The following CLEC19A variants were observed in gnomAD, a reference collection of about 807,000 sequenced individuals.
CLEC19A encodes the protein C-type lectin domain family 19 member A.
Under a neutral mutation model 26.1 loss-of-function variants are expected in CLEC19A, and 21 were observed. The ratio of observed to expected loss-of-function variants is 0.80; its 90% CI spans 0.57 to 1.16. The LOEUF is 1.16. CLEC19A is among the 50% of genes most tolerant of loss of function. CLEC19A has a pLI of 0.00. For synonymous variants in CLEC19A, 89 were observed against 88.6 expected (o/e 1.00, Z -0.03); for missense variants, 224 against 227.6 (o/e 0.98, Z 0.10).
At chr16:19,308,870 G>T in intron 4 of CLEC19A, 134 bp from the exon 5 acceptor site, 1 of 662,190 alleles carries the variant, frequency 1.5e-6, no homozygotes, top group Non-Finnish European at 2.7e-6. Flanking sequence ...GGCTTGTCAA[G>T]TATCAGCAAG....
At position 19,289,684 on chromosome 16, in the gene CLEC19A, G is replaced by T. The variant is rs556748412; in HGVS notation, c.88+3745G>T. 3.3e-5 allele frequency among the ~76,000 whole-genome samples: 5 copies of T among 152,330 alleles called. No individual in the cohort carries two copies. In the South Asian group the frequency reaches 1.0e-3, roughly 32 times the overall value. On this transcript the variant is annotated intron_variant, in intron 1 of 4. Coordinates refer to ENST00000636231, the MANE Select transcript of CLEC19A (RefSeq NM_001256720.2). Reference sequence around the variant, plus strand: ...ACCCAATGAATGGCTGCTATTATTAGCAATATAAGAAATTGTCTAATGCTT... The same window carrying T: ...ACCCAATGAATGGCTGCTATTATTATCAATATAAGAAATTGTCTAATGCTT...
rs746393825 is a variant in CLEC19A at position 19,304,227 on chromosome 16, T to C, written c.348+72T>C. 6.3e-6 allele frequency: 8 copies of C among 1,279,414 alleles called. No homozygotes were observed. In the South Asian group the frequency reaches 7.6e-5, roughly 12 times the overall value. The allele number at this position is 1,279,414 out of a possible 1,614,324, so 79.3% of individuals were successfully genotyped here. ...ATTCTATTTTGATTTAATAAGCTTT[T>C]CACATCAGTGCCAGGTCACGGCTAT... On this transcript the variant is annotated intron_variant, in intron 3 of 4. Coordinates refer to ENST00000636231, the MANE Select transcript of CLEC19A (RefSeq NM_001256720.2).
chr16:19,298,726 A>C lies in CLEC19A; in HGVS notation c.142A>C (p.Lys48Gln), dbSNP rs1218668565. The C allele has an allele frequency of 6.4e-7, 1 of 1,551,018 alleles. No homozygotes were observed. The highest frequency in any genetic ancestry group is 1.2e-5 in the South Asian group (1 of 84,028). The part of the protein sequence containing the change: ...SLCPLFWMEF[K>Q]GHCYRFFPLN... ...GTGCCCCCTGTTCTGGATGGAGTTCAAAGGCCACTGCTATCGATTCTTCCC... is the reference window on the plus strand; with the variant it reads ...GTGCCCCCTGTTCTGGATGGAGTTCCAAGGCCACTGCTATCGATTCTTCCC... The change falls in exon 2 of 5, where the codon AAA (lysine) becomes CAA (glutamine). Residue 48 changes from lysine to glutamine, a missense_variant. Lys to Gln is a moderately conservative substitution (Grantham distance 53). Coordinates refer to ENST00000636231, the MANE Select transcript of CLEC19A (RefSeq NM_001256720.2).
At chr16:19,305,889 G>A (rs749119211) in intron 3 of CLEC19A, among the ~76,000 whole-genome samples, 28 of 152,080 alleles carry the variant, frequency 1.8e-4, no homozygotes, top group Non-Finnish European at 3.5e-4. Context: ...TGTCGCCCAG[G>A]CTGGAGTGCA....
intron 1 of CLEC19A, among the ~76,000 whole-genome samples, chr16:19,286,368 C>T (rs1251351496): frequency 2.0e-5 from 3 of 152,208 alleles, no homozygotes; most frequent in East Asian, 3.9e-4. Flanking sequence ...TTGGCTGTGA[C>T]AGCCTTCCCA....
intron 1 of CLEC19A, among the ~76,000 whole-genome samples, chr16:19,297,362 T>G (rs1897726083): frequency 6.6e-6 from 1 of 152,206 alleles, no homozygotes; most frequent in African/African-American, 2.4e-5. Context: ...GCCATGAAAG[T>G]GATAACACTG....
At chr16:19,287,414 A>G (rs1897495113) in intron 1 of CLEC19A, among the ~76,000 whole-genome samples, 1 of 152,122 alleles carries the variant, frequency 6.6e-6, no homozygotes, top group South Asian at 2.1e-4. Flanking sequence ...CCCCCTCCCA[A>G]TACCATCACA....
At chr16:19,301,702 T>C (rs1376742576) in intron 2 of CLEC19A, among the ~76,000 whole-genome samples, 2 of 144,692 alleles carry the variant, frequency 1.4e-5, no homozygotes, top group African/African-American at 5.0e-5. Context: ...TAGCTGGGAC[T>C]ACAGGCGCAT....
intron 2 of CLEC19A, among the ~76,000 whole-genome samples, chr16:19,301,763 TTGTA>T (rs1897838888): frequency 5.8e-5 from 8 of 138,188 alleles, no homozygotes; most frequent in South Asian, 2.4e-4. Flanking sequence ...TTTTTTTTTT[TTGTA>T]TTTTTAGCAG....
chr16:19,304,133 C>T lies in CLEC19A; in HGVS notation c.326C>T (p.Thr109Ile), dbSNP rs753449198. 14 of 1,550,616 alleles carry T rather than the reference C, an allele frequency of 9.0e-6. No homozygotes were observed. The South Asian group carries it at 1.2e-4, about 13-fold the overall frequency. ...CCCGGCATCCCAGCTGACGTCTGGA[C>T]AGGCCTTCATGATCACAGACAGGTG... Reference protein sequence around the residue: ...CVPGIPADVWTGLHDHRQEGQ... With the variant: ...CVPGIPADVWIGLHDHRQEGQ... Residue 109 changes from threonine to isoleucine, a missense_variant, in exon 3 of 5, where the codon ACA becomes ATA. Transcript: ENST00000636231.
chr16:19,304,239 C>A, intron 3 of CLEC19A, 84 bp downstream of exon 3: 1 of 1,121,964 alleles, frequency 8.9e-7, no homozygotes, highest in South Asian at 1.3e-5. Context: ...ACATCAGTGC[C>A]AGGTCACGGC....
intron 2 of CLEC19A, among the ~76,000 whole-genome samples, chr16:19,301,878 A>G (rs11860712): frequency 0.27 from 40,123 of 150,892 alleles, 5,770 homozygotes; most frequent in African/African-American, 0.36. Context: ...GGCATGAGCC[A>G]CCGCGCCCGG....
In CLEC19A at chr16:19,303,133, C is replaced by T. The variant is rs142607307; in HGVS notation, c.255-929C>T. 2.6e-3 allele frequency among the ~76,000 whole-genome samples: 402 copies of T among 152,240 alleles called. 3 individuals are homozygous for T. Among genetic ancestry groups the T allele is most frequent in the African/African-American group, 9.1e-3 (376 of 41,534 alleles). On this transcript the variant is annotated intron_variant, in intron 2 of 4. Transcript: ENST00000636231. ...CCCCAGTGCCTGGTTGTTGTGAGAA[C>T]GAAATGAGTTCATGCACTTAAGACA...
intron 1 of CLEC19A, among the ~76,000 whole-genome samples, chr16:19,298,350 A>G (rs1242115695): frequency 6.6e-6 from 1 of 152,096 alleles, no homozygotes; most frequent in East Asian, 1.9e-4. Flanking sequence ...CTGGAGTTCA[A>G]GACCAGCCTG....
intron 2 of CLEC19A, among the ~76,000 whole-genome samples, chr16:19,301,746 TTTTTTTTTTTTTTTTTTTG>T (rs1897833897): frequency 6.6e-5 from 8 of 121,932 alleles, no homozygotes; most frequent in East Asian, 4.3e-4. Flanking sequence ...GTTTTTTTTT[TTTTTTTTTTTTTTTTTTTG>T]TATTTTTAGC....
Position 19,298,759 on chromosome 16 carries a change from A to T in CLEC19A, c.175A>T (p.Lys59Ter), listed in dbSNP as rs1157967994. Residue 59 changes from lysine (K) to a stop codon, truncating the protein, a stop_gained, in exon 2 of 5, where the codon AAG becomes TAG. Coordinates refer to ENST00000636231, the MANE Select transcript of CLEC19A (RefSeq NM_001256720.2). LOFTEE classifies it high-confidence loss of function. Reference sequence around the variant, plus strand: ...CTGCTATCGATTCTTCCCTCTCAATAAGACCTGGGCTGAGGCCGACCTCTA... The same window carrying T: ...CTGCTATCGATTCTTCCCTCTCAATTAGACCTGGGCTGAGGCCGACCTCTA... ...GHCYRFFPLN[K>*]TWAEADLYCS... The T allele has an allele frequency of 6.4e-7, 1 of 1,550,652 alleles. No homozygotes were observed. The highest frequency in any genetic ancestry group is 2.0e-5 in the Admixed American group (1 of 50,960).
rs374371367 is a variant in CLEC19A, at chr16:19,298,880, C to T, written c.254+42C>T. Reference sequence around the variant, plus strand: ...GTGCCCCATAGTTCAACTAAGCACCCCCTTGGGAAATGGGGTGGAGAATGG... The same window carrying T: ...GTGCCCCATAGTTCAACTAAGCACCTCCTTGGGAAATGGGGTGGAGAATGG... On this transcript the variant is annotated intron_variant, in intron 2 of 4. Transcript: ENST00000636231. The T allele has an allele frequency of 1.1e-5, 16 of 1,503,488 alleles. 1 individual carries two copies. In the African/African-American group the frequency reaches 2.1e-4, roughly 20 times the overall value. The allele number at this position is 1,503,488 out of a possible 1,614,324, so 93.1% of individuals were successfully genotyped here.
Position 19,298,887 on chromosome 16 carries a change from G to C in CLEC19A, c.254+49G>C, listed in dbSNP as rs1238251636. On this transcript the variant is annotated intron_variant, in intron 2 of 4. Transcript: ENST00000636231. ...ATAGTTCAACTAAGCACCCCCTTGG[G>C]AAATGGGGTGGAGAATGGTATTTCC... The C allele has an allele frequency of 6.7e-6, 10 of 1,482,534 alleles. No homozygotes were observed. The East Asian group carries it at 2.5e-4, about 37-fold the overall frequency. The allele number at this position is 1,482,534 out of a possible 1,614,324, so 91.8% of individuals were successfully genotyped here. A position where few individuals can be genotyped will look rare whatever the true frequency, so the allele number is the denominator to read the frequency against.
At chr16:19,302,095 ACT>A (rs1897848244) in intron 2 of CLEC19A, among the ~76,000 whole-genome samples, 1 of 151,658 alleles carries the variant, frequency 6.6e-6, no homozygotes, top group South Asian at 2.1e-4. Context: ...GGCTTGTCTC[ACT>A]CTTCCACTTT....
Sources: allele counts gnomAD v4.1 joint callset (sites outside exome capture counted in the v4.1 genomes callset), GRCh38; gene constraint gnomAD v4.1.1; transcripts MANE v1.5; gene names NCBI Gene and HGNC (gene_info 2026-07-23, HGNC 2026-07-21).